The following AGBL1 variants were observed in gnomAD, a reference collection of about 807,000 sequenced individuals.
AGBL1 encodes the protein AGBL carboxypeptidase 1.
A neutral mutation model predicts 118.9 loss-of-function variants in AGBL1; 130 were observed. The ratio of observed to expected loss-of-function variants is 1.09; its 90% CI spans 0.95 to 1.26. The LOEUF (loss-of-function observed/expected upper bound fraction) is 1.26, where lower values mean the gene tolerates loss of function less well. Among genes scored for constraint, AGBL1 ranks in the 50% most tolerant of loss-of-function variants. AGBL1 has a pLI of 0.00. For synonymous variants in AGBL1, 555 were observed against 478.9 expected (o/e 1.16, Z -2.08); for missense variants, 1,584 against 1,298.1 (o/e 1.22, Z -3.38).
chr15:86,120,783 C>T (rs1898048179), intron 1 of AGBL1, among the ~76,000 whole-genome samples: 1 of 152,178 alleles, frequency 6.6e-6, no homozygotes, highest in East Asian at 1.9e-4. Context: ...ACCCCTTTGG[C>T]ATAATAAATG....
intron 6 of AGBL1, among the ~76,000 whole-genome samples, chr15:86,229,014 C>G (rs1435632250): frequency 6.6e-6 from 1 of 152,148 alleles, no homozygotes; most frequent in Non-Finnish European, 1.5e-5. Flanking sequence ...TGCACAAATC[C>G]CACCCTAAAT....
intron 23 of AGBL1, among the ~76,000 whole-genome samples, chr15:86,924,267 C>G (rs1016820670): frequency 6.6e-6 from 1 of 152,144 alleles, no homozygotes; most frequent in African/African-American, 2.4e-5. Flanking sequence ...ACATTGTGAT[C>G]CTAATGGTAC....
chr15:86,546,396 T>C (rs1308968519), intron 20 of AGBL1, among the ~76,000 whole-genome samples: 3 of 152,164 alleles, frequency 2.0e-5, no homozygotes, highest in African/African-American at 7.2e-5. Flanking sequence ...GCATGAGAAC[T>C]AGAGACAGAA....
intron 21 of AGBL1, among the ~76,000 whole-genome samples, chr15:86,622,426 T>G (rs1241321662): frequency 6.6e-6 from 1 of 151,686 alleles, no homozygotes; most frequent in Non-Finnish European, 1.5e-5. Flanking sequence ...TACTAAGTAC[T>G]AAACACTGAC....
intron 13 of AGBL1, among the ~76,000 whole-genome samples, chr15:86,267,788 A>G (rs890447215): frequency 6.6e-6 from 1 of 152,206 alleles, no homozygotes; most frequent in African/African-American, 2.4e-5. Context: ...TATATTTCCC[A>G]TATACCAAAA....
chr15:86,531,815 T>A (rs928157846), intron 19 of AGBL1, among the ~76,000 whole-genome samples: 2 of 136,506 alleles, frequency 1.5e-5, no homozygotes, highest in African/African-American at 5.7e-5. Flanking sequence ...TATACGCAAA[T>A]CAATAAATGT....
At chr15:86,514,029 T>C (rs1050552992) in intron 18 of AGBL1, among the ~76,000 whole-genome samples, 1 of 152,032 alleles carries the variant, frequency 6.6e-6, no homozygotes, top group African/African-American at 2.4e-5. Flanking sequence ...TCAATAATGG[T>C]ATTTAGAAAC....
chr15:86,668,978 C>G (rs12899305), intron 21 of AGBL1, among the ~76,000 whole-genome samples: 62,169 of 151,992 alleles, frequency 0.41, 13,896 homozygotes, highest in Middle Eastern at 0.56. Flanking sequence ...AGGCCTCAAG[C>G]CAAAAATTCT....
At chr15:86,275,911 T>C (rs2079243238) in intron 15 of AGBL1, among the ~76,000 whole-genome samples, 1 of 152,204 alleles carries the variant, frequency 6.6e-6, no homozygotes, top group Non-Finnish European at 1.5e-5. Flanking sequence ...TACCAACTTC[T>C]TTCAGATTCT....
At chr15:86,807,859 G>T (rs528150256) in intron 22 of AGBL1, among the ~76,000 whole-genome samples, 1 of 152,070 alleles carries the variant, frequency 6.6e-6, no homozygotes, top group Non-Finnish European at 1.5e-5. Context: ...AGAGATAATT[G>T]AAGTAAAACA....
intron 22 of AGBL1, among the ~76,000 whole-genome samples, chr15:86,804,415 T>G (rs1362136620): frequency 1.3e-5 from 2 of 152,148 alleles, no homozygotes; most frequent in Admixed American, 1.3e-4. Flanking sequence ...GTGTTTCTAA[T>G]TCACCATATT....
At chr15:86,520,484 T>TA in intron 18 of AGBL1, among the ~76,000 whole-genome samples, 1 of 152,298 alleles carries the variant, frequency 6.6e-6, no homozygotes, top group South Asian at 2.1e-4. Context: ...TTATTTTTTT[T>TA]ATTCTTGGAA....
intron 17 of AGBL1, among the ~76,000 whole-genome samples, chr15:86,393,837 A>C (rs565552486): frequency 6.6e-6 from 1 of 152,196 alleles, no homozygotes; most frequent in East Asian, 1.9e-4. Flanking sequence ...GAACCTTTGG[A>C]AGTTGATTAG....
intron 23 of AGBL1, among the ~76,000 whole-genome samples, chr15:86,926,016 A>G (rs1369952018): frequency 6.6e-6 from 1 of 152,034 alleles, no homozygotes; most frequent in African/African-American, 2.4e-5. Flanking sequence ...AGGTGCGAAA[A>G]GGAGAGTCTG....
At position 86,987,812 on chromosome 15, in the gene AGBL1, G is replaced by T. The variant is rs570300838; in HGVS notation, c.3222-175G>T. ...ATTATGTATATTTTAATAAGAAATA[G>T]ATTATAAATATTTGTATGTTTCTGA... On this transcript the variant is annotated intron_variant, in intron 23 of 24. Transcript: ENST00000441037. 7.2e-5 allele frequency among the ~76,000 whole-genome samples: 11 copies of T among 152,104 alleles called. No individual in the cohort carries two copies. In the East Asian group the frequency reaches 1.7e-3, roughly 24 times the overall value.
chr15:87,019,890 A>G (rs1371385715), intron 24 of AGBL1, among the ~76,000 whole-genome samples: 1 of 152,112 alleles, frequency 6.6e-6, no homozygotes, highest in Non-Finnish European at 1.5e-5. Flanking sequence ...AATAAAGAAG[A>G]AAGAAGAATC....
chr15:86,897,393 C>T (rs987693884), intron 22 of AGBL1, among the ~76,000 whole-genome samples: 4 of 152,044 alleles, frequency 2.6e-5, no homozygotes, highest in Non-Finnish European at 5.9e-5. Context: ...GTAAGTTTTT[C>T]TGTATATGAG....
chr15:86,126,823 C>G (rs1438194771), intron 1 of AGBL1, among the ~76,000 whole-genome samples: 1 of 152,212 alleles, frequency 6.6e-6, no homozygotes, highest in Admixed American at 6.5e-5. Context: ...TACACCAAAT[C>G]TTGCAACAAA....
At chr15:86,355,918 T>A (rs1208391563) in intron 17 of AGBL1, among the ~76,000 whole-genome samples, 1 of 152,198 alleles carries the variant, frequency 6.6e-6, no homozygotes, top group African/African-American at 2.4e-5. Flanking sequence ...GCAAACATCC[T>A]GATTATAAGA....
Sources: allele counts gnomAD v4.1 joint callset (sites outside exome capture counted in the v4.1 genomes callset), GRCh38; gene constraint gnomAD v4.1.1; transcripts MANE v1.5; gene names NCBI Gene and HGNC (gene_info 2026-07-23, HGNC 2026-07-21).